Variants in DNAH17 observed in about 807,000 individuals in gnomAD.
The protein encoded by DNAH17 is dynein axonemal heavy chain 17, also known as axonemal beta dynein heavy chain 17.
Under a neutral mutation model 485.6 loss-of-function variants are expected in DNAH17, and 376 were observed. That is an observed-to-expected ratio of 0.77 (90% CI 0.71 to 0.84). The LOEUF is 0.84. DNAH17 is among the 40% of genes least tolerant of loss of function. The probability of loss-of-function intolerance (pLI) is 0.00; values close to 1 mark genes in which losing one functional copy is unlikely to be tolerated. For synonymous variants in DNAH17, 3,031 were observed against 2,405.9 expected (o/e 1.26, Z -7.60); for missense variants, 6,370 against 5,839.3 (o/e 1.09, Z -2.96).
At chr17:78,523,657 G>A (rs947770249) in intron 25 of DNAH17, among the ~76,000 whole-genome samples, 3 of 152,256 alleles carry the variant, frequency 2.0e-5, no homozygotes, top group Non-Finnish European at 4.4e-5. Context: ...TGTAATACCA[G>A]CACTTTAGAA....
intron 18 of DNAH17, among the ~76,000 whole-genome samples, chr17:78,538,262 G>A (rs1254184486): frequency 5.3e-5 from 8 of 152,052 alleles, no homozygotes; most frequent in African/African-American, 1.7e-4. Context: ...AAGCCTGCCT[G>A]TCCCTCTCCC....
At chr17:78,494,303 T>C (rs2089984048) in intron 40 of DNAH17, 130 bp from the exon 41 acceptor site, 1 of 1,311,254 alleles carries the variant, frequency 7.6e-7, no homozygotes. Flanking sequence ...TGCACGTGCG[T>C]CTGCAAGTTC....
chr17:78,437,920 CGAG>C (rs2086905472), intron 73 of DNAH17, 52 bp from the exon 74 acceptor site: 2 of 1,393,712 alleles, frequency 1.4e-6, no homozygotes, highest in South Asian at 1.3e-5. Flanking sequence ...TCCTGGCCCA[CGAG>C]GAGAGACTGG....
intron 26 of DNAH17, among the ~76,000 whole-genome samples, chr17:78,513,262 A>C (rs1489745617): frequency 6.6e-6 from 1 of 152,178 alleles, no homozygotes; most frequent in Non-Finnish European, 1.5e-5. Context: ...AAGACTGACC[A>C]AACAGAATGT....
rs2089110516 is a variant in DNAH17, at chr17:78,477,909, A to T, written c.7992+1116T>A. Among the ~76,000 whole-genome samples, 4 of 149,864 alleles carry T rather than the reference A, an allele frequency of 2.7e-5. No homozygotes were observed. In the South Asian group the frequency reaches 8.5e-4, roughly 32 times the overall value. ...CGCTATCATCACCACCATCATCATT[A>T]CCACATCACCATCACCACCATCATC... On this transcript the variant is annotated intron_variant, in intron 51 of 80. Transcript: ENST00000389840.
At chr17:78,497,484 A>G (rs572752247) in intron 37 of DNAH17, among the ~76,000 whole-genome samples, 1 of 152,132 alleles carries the variant, frequency 6.6e-6, no homozygotes, top group East Asian at 1.9e-4. Flanking sequence ...TCTCCATTGG[A>G]GCCCGTGAAC....
intron 22 of DNAH17, among the ~76,000 whole-genome samples, chr17:78,527,339 T>C (rs529724163): frequency 3.9e-5 from 6 of 152,110 alleles, no homozygotes; most frequent in Non-Finnish European, 5.9e-5. Context: ...GTGAGCAAGA[T>C]TGTACCACTG....
In DNAH17 at chr17:78,468,600, G is replaced by A. The variant is rs374276020; in HGVS notation, c.8778+17C>T. 127 of 1,607,018 alleles carry A rather than the reference G, an allele frequency of 7.9e-5. 1 individual carries two copies. The highest frequency in any genetic ancestry group is 2.7e-4 in the Admixed American group (16 of 59,230). On this transcript the variant is annotated intron_variant, in intron 55 of 80. Coordinates refer to ENST00000389840, the MANE Select transcript of DNAH17 (RefSeq NM_173628.4). ...CAAGCTGGGCTCTTGAGGCCCTGCC[G>A]AAGACGGGAGCCCCACCTTGAGCTG...
In DNAH17 at chr17:78,423,761, G is replaced by T. The variant is rs112488587; in HGVS notation, c.*145C>A. On this transcript the variant is annotated 3_prime_UTR_variant, in exon 81 of 81. Transcript: ENST00000389840. ...ACACCAACCTCCACCCTCTGGTTCCGATGTGCTTGGTTACAAAGCACCTGA... is the reference window on the plus strand; with the variant it reads ...ACACCAACCTCCACCCTCTGGTTCCTATGTGCTTGGTTACAAAGCACCTGA... The T allele has an allele frequency of 1.9e-6, 2 of 1,080,768 alleles. No homozygotes were observed. The highest frequency in any genetic ancestry group is 2.7e-6 in the Non-Finnish European group (2 of 746,096). The allele number at this position is 1,080,768 out of a possible 1,614,324, so 66.9% of individuals were successfully genotyped here.
intron 19 of DNAH17, among the ~76,000 whole-genome samples, chr17:78,535,878 T>TC (rs2091360620): frequency 6.6e-6 from 1 of 152,192 alleles, no homozygotes; most frequent in African/African-American, 2.4e-5. Flanking sequence ...GTCAAGCCAC[T>TC]CCCCTCTTCC....
chr17:78,563,578 TTC>T (rs937074146), intron 11 of DNAH17, among the ~76,000 whole-genome samples: 5 of 152,222 alleles, frequency 3.3e-5, no homozygotes, highest in Admixed American at 6.5e-5. Context: ...ATTTTTATTT[TTC>T]TCTGTCTTCC....
At chr17:78,532,885 C>T (rs923430812) in intron 19 of DNAH17, 149 bp from the exon 20 acceptor site, 51 of 979,048 alleles carry the variant, frequency 5.2e-5, no homozygotes, top group Non-Finnish European at 6.8e-5. Flanking sequence ...CAGCCTGGGC[C>T]GATCACCCCT....
At chr17:78,553,579 G>A (rs1181678132) in intron 14 of DNAH17, among the ~76,000 whole-genome samples, 2 of 151,926 alleles carry the variant, frequency 1.3e-5, no homozygotes, top group African/African-American at 2.4e-5. Flanking sequence ...CAGGTGTCAA[G>A]TATTTCTTTA....
rs531229776 is a variant in DNAH17 at position 78,572,552 on chromosome 17, C to T, written c.539+149G>A. 63 of 773,700 alleles carry T rather than the reference C, an allele frequency of 8.1e-5. No individual in the cohort carries two copies. The African/African-American group carries it at 1.1e-3, about 13-fold the overall frequency. 47.9% of individuals were successfully genotyped at this position (773,700 alleles called of 1,614,324 possible). ...GTCTCAGCACCACCTAACGCACCAC[C>T]TTGCCCTGCATTTCCCCGGCTTTAA... On this transcript the variant is annotated intron_variant, in intron 3 of 80. Transcript: ENST00000389840.
Position 78,526,966 on chromosome 17 carries a change from T to C in DNAH17, c.3538A>G (p.Lys1180Glu), listed in dbSNP as rs1203794154. ...ELPEHWANTK[K>E]LAIQVKLTVA... ...GTCAGCTTCACCTGAATGGCCAGTT[T>C]CTTGGTATTTGCCCAGTGCTCCGGC... The change falls in exon 23 of 81, where the codon AAA (lysine) becomes GAA (glutamate). Residue 1180 changes from lysine (K) to glutamate (E), a missense_variant. Physicochemically the swap from Lys to Glu is moderately conservative, Grantham distance 56. Transcript: ENST00000389840. 1 of 1,587,606 alleles carries C rather than the reference T, an allele frequency of 6.3e-7. No homozygotes were observed. The highest frequency in any genetic ancestry group is 8.6e-7 in the Non-Finnish European group (1 of 1,166,770).
intron 74 of DNAH17, among the ~76,000 whole-genome samples, chr17:78,435,596 G>A (rs964998620): frequency 3.9e-5 from 6 of 152,176 alleles, no homozygotes; most frequent in African/African-American, 1.2e-4. Flanking sequence ...CCTGTCTGTC[G>A]CTGACTGACA....
At chr17:78,528,630 G>A (rs1260035972) in intron 22 of DNAH17, among the ~76,000 whole-genome samples, 1 of 152,024 alleles carries the variant, frequency 6.6e-6, no homozygotes, top group Non-Finnish European at 1.5e-5. Flanking sequence ...GAAACTCCAG[G>A]CCAGACTCAA....
chr17:78,506,889 C>G, intron 29 of DNAH17, 43 bp from the exon 30 acceptor site: 1 of 1,610,860 alleles, frequency 6.2e-7, no homozygotes, highest in Non-Finnish European at 8.5e-7. Context: ...TGACCCTACT[C>G]TGTAGGGATG....
intron 27 of DNAH17, among the ~76,000 whole-genome samples, chr17:78,509,846 G>C (rs987746502): frequency 6.6e-6 from 1 of 152,220 alleles, no homozygotes; most frequent in Non-Finnish European, 1.5e-5. Context: ...TGCATGTACG[G>C]GGCGGGCAGA....
Sources: gnomAD v4.1 joint callset for allele counts (sites outside exome capture counted in the v4.1 genomes callset) on GRCh38, gnomAD v4.1.1 for gene constraint, MANE v1.5 for transcripts, NCBI Gene and HGNC (gene_info 2026-07-23, HGNC 2026-07-21) for gene names.